Variants in AK9 observed in about 807,000 individuals in gnomAD.
AK9 encodes the protein adenylate kinase 9.
Under a neutral mutation model 239.6 loss-of-function variants are expected in AK9, and 191 were observed. The ratio of observed to expected loss-of-function variants is 0.80; its 90% CI spans 0.71 to 0.90. The LOEUF is 0.90. Ranked by LOEUF, AK9 falls within the 40% of genes least tolerant of loss-of-function variation. The pLI is 0.00. For synonymous variants in AK9, 689 were observed against 721.0 expected (o/e 0.96, Z 0.71); for missense variants, 1,995 against 2,214.7 (o/e 0.90, Z 1.99).
intron 12 of AK9, among the ~76,000 whole-genome samples, chr6:109,622,709 A>T (rs1056374369): frequency 6.7e-5 from 10 of 149,796 alleles, no homozygotes; most frequent in Non-Finnish European, 1.3e-4. Context: ...TGTAGATAAT[A>T]TATAACACAC....
rs772507446 is a variant in AK9, at chr6:109,689,932, T to C, written c.-12+1215A>G. 9.2e-5 allele frequency among the ~76,000 whole-genome samples: 14 copies of C among 152,200 alleles called. No individual in the cohort carries two copies. The South Asian group carries it at 1.0e-3, about 11-fold the overall frequency. ...ATTTTTCCCAGTTAAAAGATCCAAG[T>C]CCAAAATGCCAGAACGGACACGGCC... On this transcript the variant is annotated intron_variant, in intron 1 of 40. Transcript: ENST00000424296.
chr6:109,599,939 C>T (rs1562474432), intron 17 of AK9, among the ~76,000 whole-genome samples: 1 of 152,212 alleles, frequency 6.6e-6, no homozygotes, highest in Non-Finnish European at 1.5e-5. Flanking sequence ...ATACTGGAGA[C>T]TTTGCTGAAG....
chr6:109,668,253 T>A (rs568641566), intron 5 of AK9, among the ~76,000 whole-genome samples: 34 of 152,232 alleles, frequency 2.2e-4, no homozygotes, highest in Admixed American at 2.2e-3. Context: ...GGGTTTTTTT[T>A]TTCTTGTAAA....
At chr6:109,621,905 A>C (rs1209866132) in intron 12 of AK9, among the ~76,000 whole-genome samples, 19 of 39,776 alleles carry the variant, frequency 4.8e-4, no homozygotes, top group Admixed American at 2.1e-3. Context: ...AAAAAAAAAA[A>C]AAAAAAACAA....
intron 10 of AK9, 120 bp from the exon 11 acceptor site, chr6:109,633,443 AAATTTTGGCTTTTTTCTT>A: frequency 8.4e-7 from 1 of 1,193,504 alleles, no homozygotes; most frequent in Admixed American, 3.3e-5. Flanking sequence ...TTTAAAAAGG[AAATTTTGGCTTTTTTCTT>A]AATTGCAACA....
chr6:109,633,919 GT>G (rs933010100), intron 10 of AK9, among the ~76,000 whole-genome samples: 17 of 152,146 alleles, frequency 1.1e-4, no homozygotes, highest in African/African-American at 4.1e-4. Context: ...CTAATTCTCA[GT>G]TGGGAACATG....
intron 16 of AK9, 72 bp from the exon 17 acceptor site, chr6:109,610,585 T>C (rs1020553483): frequency 7.1e-7 from 1 of 1,408,188 alleles, no homozygotes; most frequent in African/African-American, 1.5e-5. Context: ...CAATAAAACA[T>C]GATTGATAAT....
At chr6:109,624,936 T>G (rs1795336038) in intron 12 of AK9, among the ~76,000 whole-genome samples, 1 of 152,178 alleles carries the variant, frequency 6.6e-6, no homozygotes, top group Non-Finnish European at 1.5e-5. Flanking sequence ...TTTCTATCTT[T>G]TAACTCTTCT....
At position 109,497,902 on chromosome 6, in the gene AK9, C is replaced by G. The variant is rs1323680781; in HGVS notation, c.5110G>C (p.Asp1704His). The G allele has an allele frequency of 6.2e-7, 1 of 1,613,976 alleles. No individual in the cohort carries two copies. Among genetic ancestry groups the G allele is most frequent in the Non-Finnish European group, 8.5e-7 (1 of 1,179,982 alleles). The change falls in exon 37 of 41, where the codon GAC becomes CAC. Residue 1704 changes from aspartate (D) to histidine (H), a missense_variant. Physicochemically the swap from Asp to His is moderately conservative, Grantham distance 81. Transcript: ENST00000424296. ...AGTGTCAGTCTTTTGGGGATCATGT[C>G]AGCAGATGGGAGTGGATGAGGTGCT... ...PLAPHPLPSA[D>H]MIPKRLTLSE...
intron 25 of AK9, 62 bp from the exon 26 acceptor site, chr6:109,546,189 T>G (rs1341234698): frequency 2.7e-6 from 4 of 1,459,042 alleles, no homozygotes; most frequent in African/African-American, 1.4e-5. Flanking sequence ...AAAGCAGTTT[T>G]GAGTAATTTA....
chr6:109,602,237 C>T lies in AK9; in HGVS notation c.1842+8128G>A, dbSNP rs898767370. On this transcript the variant is annotated intron_variant, in intron 17 of 40. Transcript: ENST00000424296. ...TGGTTGTTCCTTTCCATGTTTAGTG[C>T]TTCCTTCAGGAGCTCTTGTAGGGCA... is the stretch of plus-strand genomic sequence containing the variant. Among the ~76,000 whole-genome samples, 35 of 152,236 alleles carry T rather than the reference C, an allele frequency of 2.3e-4. 1 individual carries two copies. Among genetic ancestry groups the T allele is most frequent in the African/African-American group, 8.2e-4 (34 of 41,536 alleles).
rs549149231 is a variant in AK9 at position 109,602,143 on chromosome 6, A to G, written c.1842+8222T>C. Reference sequence around the variant, plus strand: ...ATGATATTAGCTGGTTATTTTGCTCATTAGTTGATAGTTTCTTCCTAGCAT... The same window carrying G: ...ATGATATTAGCTGGTTATTTTGCTCGTTAGTTGATAGTTTCTTCCTAGCAT... On this transcript the variant is annotated intron_variant, in intron 17 of 40. Transcript: ENST00000424296. Among the ~76,000 whole-genome samples, 58 of 152,132 alleles carry G rather than the reference A, an allele frequency of 3.8e-4. 1 individual carries two copies. The highest frequency in any genetic ancestry group is 7.1e-4 in the Non-Finnish European group (48 of 68,016).
At chr6:109,551,584 CA>C (rs1011880349) in intron 24 of AK9, among the ~76,000 whole-genome samples, 1 of 150,666 alleles carries the variant, frequency 6.6e-6, no homozygotes, top group African/African-American at 2.4e-5. Flanking sequence ...CTATGATGTT[CA>C]AAAAATACAG....
At chr6:109,677,390 T>C (rs1771912718) in intron 1 of AK9, among the ~76,000 whole-genome samples, 1 of 152,190 alleles carries the variant, frequency 6.6e-6, no homozygotes, top group Non-Finnish European at 1.5e-5. Flanking sequence ...GCATTAGTGA[T>C]ATATCATGTG....
At position 109,644,640 on chromosome 6, in the gene AK9, T is replaced by C. The variant is rs371994466; in HGVS notation, c.808A>G (p.Asn270Asp). Residue 270 changes from asparagine to aspartate, a missense_variant, in exon 9 of 41, where the codon AAT becomes GAT. Physicochemically the swap from Asn to Asp is conservative, Grantham distance 23. Coordinates refer to ENST00000424296, the MANE Select transcript of AK9 (RefSeq NM_001145128.3). ...ATAAAGAGCTCCTCTGCTGGTTTAT[T>C]TCCATTTAGCTCAATGAGATACTGG... ...NPQYLIELNG[N>D]KPAEELFMIV... The C allele has an allele frequency of 6.2e-7, 1 of 1,612,538 alleles. No individual in the cohort carries two copies. Among genetic ancestry groups the C allele is most frequent in the African/African-American group, 1.3e-5 (1 of 74,480 alleles).
chr6:109,571,640 T>C (rs1310176164), intron 21 of AK9, among the ~76,000 whole-genome samples: 2 of 152,180 alleles, frequency 1.3e-5, no homozygotes. Flanking sequence ...TTATCAAACC[T>C]GGATGGATGT....
chr6:109,517,181 T>C (rs1779366578), intron 29 of AK9, among the ~76,000 whole-genome samples: 1 of 152,202 alleles, frequency 6.6e-6, no homozygotes. Context: ...TCTTTCAGTT[T>C]TCCTGTTAAG....
At chr6:109,630,124 T>C (rs925389133) in intron 12 of AK9, among the ~76,000 whole-genome samples, 11 of 152,126 alleles carry the variant, frequency 7.2e-5, no homozygotes, top group African/African-American at 2.4e-4. Flanking sequence ...GAAAATAATA[T>C]ATAACATACA....
chr6:109,520,439 C>T (rs754218101), intron 29 of AK9, among the ~76,000 whole-genome samples: 6 of 151,854 alleles, frequency 4.0e-5, no homozygotes, highest in Admixed American at 2.0e-4. Context: ...AGGTGTATAG[C>T]TTTGTTTCTG....
Sources: allele counts gnomAD v4.1 joint callset (sites outside exome capture counted in the v4.1 genomes callset), GRCh38; gene constraint gnomAD v4.1.1; transcripts MANE v1.5; gene names NCBI Gene and HGNC (gene_info 2026-07-23, HGNC 2026-07-21).